CDADC1: variants seen among roughly 807,000 people sequenced by gnomAD.
CDADC1 encodes cytidine and dCMP deaminase domain containing 1, also known as dCTP deaminase.
CDADC1 carries 39 observed loss-of-function variants against 54.9 expected under a neutral mutation model. The observed-to-expected ratio is 0.71, with a 90% CI of 0.55 to 0.93. CDADC1 has a LOEUF of 0.93. CDADC1 is among the 40% of genes least tolerant of loss of function. The probability of loss-of-function intolerance (pLI) is 0.00; values close to 1 mark genes in which losing one functional copy is unlikely to be tolerated. For missense variants in CDADC1, 518 were observed against 618.8 expected (o/e 0.84, Z 1.73); for synonymous variants, 186 against 204.0 (o/e 0.91, Z 0.75).
chr13:49,257,479 G>A (rs566195217), intron 3 of CDADC1, among the ~76,000 whole-genome samples: 71 of 152,246 alleles, frequency 4.7e-4, no homozygotes, highest in Admixed American at 7.9e-4. Context: ...TTTCCAAGAT[G>A]ATACGTATTG....
intron 4 of CDADC1, among the ~76,000 whole-genome samples, chr13:49,260,892 T>C (rs1316915345): frequency 6.6e-6 from 1 of 152,172 alleles, no homozygotes; most frequent in East Asian, 1.9e-4. Flanking sequence ...CCCTGCAGAT[T>C]TCCATATTAT....
Position 49,248,075 on chromosome 13 carries a change from C to T in CDADC1, c.38C>T (p.Ala13Val). 6.4e-7 allele frequency: 1 copy of T among 1,553,826 alleles called. No homozygotes were observed. The highest frequency in any genetic ancestry group is 8.7e-7 in the Non-Finnish European group (1 of 1,148,370). ...EAGQMQNLES[A>V]RAGRSVSTQT... is the part of the protein sequence containing the mutation. ...GGGCAGATGCAAAATCTGGAGAGCG[C>T]GAGGGCCGGGCGGTCAGTCAGCACC... is the stretch of plus-strand genomic sequence containing the variant. The change falls in exon 1 of 10, where the codon GCG (alanine) becomes GTG (valine). Residue 13 changes from alanine to valine, a missense_variant. Ala to Val is a moderately conservative substitution (Grantham distance 64, BLOSUM62 0). Transcript: ENST00000251108.
At chr13:49,259,862 G>A (rs1218929914) in intron 4 of CDADC1, among the ~76,000 whole-genome samples, 3 of 151,160 alleles carry the variant, frequency 2.0e-5, no homozygotes, top group East Asian at 1.9e-4. Context: ...AAAAAAAAAC[G>A]AAGAAAGGAG....
chr13:49,287,745 G>C (rs1273160706), intron 9 of CDADC1, among the ~76,000 whole-genome samples: 2 of 152,132 alleles, frequency 1.3e-5, no homozygotes, highest in African/African-American at 4.8e-5. Flanking sequence ...GCTGAGGTGG[G>C]TGAATTGCTT....
At chr13:49,252,800 C>T (rs1040907054) in intron 2 of CDADC1, among the ~76,000 whole-genome samples, 3 of 152,104 alleles carry the variant, frequency 2.0e-5, no homozygotes, top group African/African-American at 4.8e-5. Flanking sequence ...AGTTTTGGTA[C>T]TGTTACAGGG....
intron 5 of CDADC1, among the ~76,000 whole-genome samples, chr13:49,271,605 C>CTT (rs559660895): frequency 7.1e-6 from 1 of 140,986 alleles, no homozygotes; most frequent in Non-Finnish European, 1.6e-5. Flanking sequence ...GGAGTTGCCT[C>CTT]TTTTTTTTTT....
At chr13:49,287,181 ACT>A (rs1953538397) in intron 9 of CDADC1, among the ~76,000 whole-genome samples, 2 of 152,140 alleles carry the variant, frequency 1.3e-5, no homozygotes, top group African/African-American at 4.8e-5. Context: ...ACAGGGCAAA[ACT>A]CTGTCTCTAA....
chr13:49,250,732 T>C (rs999469334), intron 2 of CDADC1, among the ~76,000 whole-genome samples: 12 of 152,216 alleles, frequency 7.9e-5, no homozygotes, highest in African/African-American at 2.9e-4. Context: ...TTGAGGAATT[T>C]TAACAGGATG....
At chr13:49,285,840 G>C (rs1456264389) in intron 8 of CDADC1, among the ~76,000 whole-genome samples, 1 of 150,310 alleles carries the variant, frequency 6.7e-6, no homozygotes, top group Non-Finnish European at 1.5e-5. Context: ...TCAAGATGGA[G>C]GCTTGCTCTG....
chr13:49,275,111 A>G (rs1953068932), intron 6 of CDADC1, among the ~76,000 whole-genome samples: 2 of 147,778 alleles, frequency 1.4e-5, no homozygotes, highest in Admixed American at 1.4e-4. Context: ...TTTGAGACAG[A>G]GTCCCCCTCT....
chr13:49,265,864 C>T (rs1305071925), intron 4 of CDADC1: 1 of 1,300,196 alleles, frequency 7.7e-7, no homozygotes, highest in Non-Finnish European at 1.0e-6. Flanking sequence ...GAGGATTTTT[C>T]CCCTCTTGAA....
chr13:49,261,351 T>G (rs1474147051), intron 4 of CDADC1, among the ~76,000 whole-genome samples: 1 of 152,212 alleles, frequency 6.6e-6, no homozygotes, highest in Non-Finnish European at 1.5e-5. Context: ...TCAACTGCAG[T>G]TACCAATACA....
Position 49,247,985 on chromosome 13 carries a change from A to G in CDADC1, c.-53A>G. The G allele has an allele frequency of 6.6e-7, 1 of 1,503,812 alleles. No homozygotes were observed. Among genetic ancestry groups the G allele is most frequent in the Non-Finnish European group, 9.1e-7 (1 of 1,104,218 alleles). 93.2% of individuals were successfully genotyped at this position (1,503,812 alleles called of 1,614,324 possible). On this transcript the variant is annotated 5_prime_UTR_variant, in exon 1 of 10. Transcript: ENST00000251108. ...GAGAGGCGGGGGCGCTAGGGCCGAG[A>G]TCATGTCTGACTGGGAGAGGTTTCC...
intron 7 of CDADC1, among the ~76,000 whole-genome samples, chr13:49,280,164 A>G (rs1953276354): frequency 1.3e-5 from 2 of 152,198 alleles, no homozygotes; most frequent in African/African-American, 4.8e-5. Flanking sequence ...TATTCTAAAC[A>G]GGTACTTATT....
At chr13:49,266,829 A>G (rs1952826186) in intron 4 of CDADC1, among the ~76,000 whole-genome samples, 1 of 152,202 alleles carries the variant, frequency 6.6e-6, no homozygotes, top group African/African-American at 2.4e-5. Flanking sequence ...CAGTCTGTGG[A>G]GAGGAACATT....
chr13:49,271,141 C>T (rs1384225147), intron 5 of CDADC1, among the ~76,000 whole-genome samples: 2 of 152,070 alleles, frequency 1.3e-5, no homozygotes, highest in South Asian at 2.1e-4. Context: ...TAGCCAGGTG[C>T]GGTGGCTCCC....
intron 8 of CDADC1, among the ~76,000 whole-genome samples, chr13:49,285,213 C>G (rs1422931551): frequency 5.3e-5 from 7 of 131,112 alleles, no homozygotes; most frequent in Non-Finnish European, 1.1e-4. Flanking sequence ...GAGTCTTGCT[C>G]TGTCTTCCAG....
In CDADC1 at chr13:49,268,078, A is replaced by G. The variant is rs368141541; in HGVS notation, c.1000+19A>G. On this transcript the variant is annotated intron_variant, in intron 5 of 9. Coordinates refer to ENST00000251108, the MANE Select transcript of CDADC1 (RefSeq NM_030911.4). ...CGAACTGGTGAGTTACATAGATCGT[A>G]AATTGGGGCTGATTGGTTGGGTTGT... 3 of 1,568,362 alleles carry G rather than the reference A, an allele frequency of 1.9e-6. No individual in the cohort carries two copies. The highest frequency in any genetic ancestry group is 1.4e-5 in the African/African-American group (1 of 73,948).
intron 8 of CDADC1, among the ~76,000 whole-genome samples, chr13:49,285,159 CTTTTCTTTTTT>C (rs1271112331): frequency 7.4e-5 from 11 of 148,708 alleles, no homozygotes; most frequent in South Asian, 2.1e-4. Context: ...TTTTCTTTTT[CTTTTCTTTTTT>C]TTTTCTTTTT....
Sources: allele counts gnomAD v4.1 joint callset (sites outside exome capture counted in the v4.1 genomes callset), GRCh38; gene constraint gnomAD v4.1.1; transcripts MANE v1.5; gene names NCBI Gene and HGNC (gene_info 2026-07-23, HGNC 2026-07-21).